Variants in SNTG1 observed in about 807,000 individuals in gnomAD.
SNTG1 encodes gamma-1-syntrophin.
SNTG1 carries 39 observed loss-of-function variants against 74.7 expected under a neutral mutation model. That is an observed-to-expected ratio of 0.52 (90% CI 0.40 to 0.68). The LOEUF (loss-of-function observed/expected upper bound fraction) is 0.68. SNTG1 is among the 30% of genes least tolerant of loss of function. SNTG1 has a pLI of 0.00. For synonymous variants in SNTG1, 254 were observed against 217.1 expected (o/e 1.17, Z -1.49); for missense variants, 685 against 609.5 (o/e 1.12, Z -1.30).
chr8:50,292,823 A>G (rs946214121), intron 2 of SNTG1, among the ~76,000 whole-genome samples: 1 of 152,310 alleles, frequency 6.6e-6, no homozygotes, highest in Non-Finnish European at 1.5e-5. Flanking sequence ...GGTGGCATTT[A>G]AAACTAAAAT....
intron 1 of SNTG1, among the ~76,000 whole-genome samples, chr8:50,089,357 A>T (rs1415306729): frequency 6.6e-6 from 1 of 150,418 alleles, no homozygotes. Flanking sequence ...CAAGGACTTC[A>T]TGTCTAAAAC....
At chr8:50,129,653 C>T (rs970931810) in intron 1 of SNTG1, among the ~76,000 whole-genome samples, 1 of 152,050 alleles carries the variant, frequency 6.6e-6, no homozygotes, top group Non-Finnish European at 1.5e-5. Context: ...TATGGAGAAA[C>T]CATCCTCATA....
chr8:50,120,537 C>T (rs932312183), intron 1 of SNTG1, among the ~76,000 whole-genome samples: 1 of 140,080 alleles, frequency 7.1e-6, no homozygotes, highest in Admixed American at 7.4e-5. Context: ...ACCAATACTG[C>T]TACCATGATA....
chr8:50,645,521 T>TTTGGTTCA (rs2095103323), intron 13 of SNTG1, among the ~76,000 whole-genome samples: 2 of 152,170 alleles, frequency 1.3e-5, no homozygotes, highest in African/African-American at 2.4e-5. Context: ...TTGTGTGGCT[T>TTTGGTTCA]ATAAATTTTG....
At chr8:50,464,140 T>A (rs898021289) in intron 8 of SNTG1, among the ~76,000 whole-genome samples, 1 of 152,204 alleles carries the variant, frequency 6.6e-6, no homozygotes, top group East Asian at 1.9e-4. Context: ...AAGTGGATGT[T>A]GTGGCTGGTT....
intron 13 of SNTG1, among the ~76,000 whole-genome samples, chr8:50,622,419 T>C (rs1200994471): frequency 6.6e-6 from 1 of 152,198 alleles, no homozygotes; most frequent in African/African-American, 2.4e-5. Context: ...TTTTTTTCCT[T>C]AAGTTTAATT....
At chr8:50,415,595 T>TA (rs1170306899) in intron 4 of SNTG1, among the ~76,000 whole-genome samples, 1 of 152,016 alleles carries the variant, frequency 6.6e-6, no homozygotes, top group Non-Finnish European at 1.5e-5. Flanking sequence ...AGTTTTAGTT[T>TA]AAAAAAATAT....
chr8:50,062,941 T>C (rs773525881), intron 1 of SNTG1, among the ~76,000 whole-genome samples: 4 of 152,224 alleles, frequency 2.6e-5, no homozygotes, highest in Non-Finnish European at 4.4e-5. Flanking sequence ...AGAGACTTGA[T>C]TGACCACAGA....
At chr8:50,104,737 T>A (rs944586719) in intron 1 of SNTG1, among the ~76,000 whole-genome samples, 1 of 152,234 alleles carries the variant, frequency 6.6e-6, no homozygotes, top group South Asian at 2.1e-4. Flanking sequence ...GCTTTGAATG[T>A]GTCCCACAGA....
At chr8:50,358,576 A>G (rs1042737261) in intron 2 of SNTG1, among the ~76,000 whole-genome samples, 5 of 152,338 alleles carry the variant, frequency 3.3e-5, no homozygotes, top group Middle Eastern at 3.4e-3. Context: ...ATTTTGACTC[A>G]ATAACACTAT....
chr8:49,931,769 G>A (rs1202962503), intron 1 of SNTG1, among the ~76,000 whole-genome samples: 1 of 152,068 alleles, frequency 6.6e-6, no homozygotes, highest in Non-Finnish European at 1.5e-5. Flanking sequence ...AATACTGAGT[G>A]AATACAACAA....
chr8:50,075,087 C>T (rs899727964), intron 1 of SNTG1, among the ~76,000 whole-genome samples: 1 of 152,208 alleles, frequency 6.6e-6, no homozygotes, highest in African/African-American at 2.4e-5. Context: ...CAGGCCTCAG[C>T]CGCCTCCCTG....
intron 2 of SNTG1, among the ~76,000 whole-genome samples, chr8:50,245,809 C>A (rs751581099): frequency 1.3e-5 from 2 of 152,080 alleles, no homozygotes; most frequent in African/African-American, 4.8e-5. Flanking sequence ...ATATGTCAGT[C>A]GTAACACTAT....
At chr8:50,069,583 ATTTTTTTTTTTTTTTTTTT>A (rs71235778) in intron 1 of SNTG1, among the ~76,000 whole-genome samples, 36 of 67,078 alleles carry the variant, frequency 5.4e-4, no homozygotes, top group Admixed American at 1.5e-3. Context: ...ATTGGGAGGA[ATTTTTTTTTTTTTTTTTTT>A]TTTTTTTTTT....
intron 15 of SNTG1, among the ~76,000 whole-genome samples, chr8:50,685,713 A>T (rs1585524511): frequency 6.6e-6 from 1 of 152,208 alleles, no homozygotes; most frequent in Non-Finnish European, 1.5e-5. Flanking sequence ...TTATACAGCT[A>T]TTTTAAGCTG....
intron 9 of SNTG1, among the ~76,000 whole-genome samples, chr8:50,503,261 G>A (rs2093979380): frequency 6.6e-6 from 1 of 152,068 alleles, no homozygotes; most frequent in African/African-American, 2.4e-5. Context: ...GATGAGAGAA[G>A]ATGAAAAAAA....
Position 50,776,327 on chromosome 8 carries a change from T to A in SNTG1, c.1396-16344T>A, listed in dbSNP as rs1468560130. On this transcript the variant is annotated intron_variant, in intron 18 of 18. Coordinates refer to ENST00000642720, the MANE Select transcript of SNTG1 (RefSeq NM_018967.5). ...TCTTCACATTCTAGTGAAATCAACA[T>A]CTTATCAGTTAGGTGTAGAAACCTT... Among the ~76,000 whole-genome samples the A allele has an allele frequency of 2.7e-5, 4 of 149,786 alleles. No individual in the cohort carries two copies. In the East Asian group the frequency reaches 7.8e-4, roughly 29 times the overall value.
chr8:50,765,154 G>C (rs112691001), intron 18 of SNTG1, among the ~76,000 whole-genome samples: 1 of 152,020 alleles, frequency 6.6e-6, no homozygotes, highest in African/African-American at 2.4e-5. Context: ...TGTTAGACTA[G>C]AGTAAGAGAT....
At chr8:49,957,604 C>T (rs1810293632) in intron 1 of SNTG1, among the ~76,000 whole-genome samples, 1 of 152,032 alleles carries the variant, frequency 6.6e-6, no homozygotes, top group Non-Finnish European at 1.5e-5. Context: ...AGAGAACCCT[C>T]GATTACTTGA....
Sources: gnomAD v4.1 joint callset for allele counts (sites outside exome capture counted in the v4.1 genomes callset) on GRCh38, gnomAD v4.1.1 for gene constraint, MANE v1.5 for transcripts, NCBI Gene and HGNC (gene_info 2026-07-23, HGNC 2026-07-21) for gene names.